TTLL11: variants seen among roughly 807,000 people sequenced by gnomAD.
The protein encoded by TTLL11 is tubulin tyrosine ligase like 11, also known as tubulin polyglutamylase TTLL11.
In TTLL11, 42 loss-of-function variants were observed where a neutral mutation model predicts 51.7. That is an observed-to-expected ratio of 0.81 (90% CI 0.64 to 1.05). TTLL11 has a LOEUF of 1.05. TTLL11 is among the 50% of genes least tolerant of loss of function. TTLL11 has a pLI of 0.00. For synonymous variants in TTLL11, 381 were observed against 383.5 expected, an observed-to-expected ratio of 0.99 and a Z score of 0.08; for missense variants, 799 against 940.4, an observed-to-expected ratio of 0.85 and a Z score of 1.97.
At chr9:122,008,945 C>G (rs1843726745) in intron 3 of TTLL11, among the ~76,000 whole-genome samples, 1 of 152,152 alleles carries the variant, frequency 6.6e-6, no homozygotes, top group Non-Finnish European at 1.5e-5. Flanking sequence ...CACAGAAAGA[C>G]AAATACTGCA....
chr9:121,944,206 C>A (rs1841586589), intron 6 of TTLL11, among the ~76,000 whole-genome samples: 1 of 152,166 alleles, frequency 6.6e-6, no homozygotes, highest in Admixed American at 6.5e-5. Context: ...ACTAGTATAG[C>A]AAGAAAATAT....
Position 121,870,610 on chromosome 9 carries a change from T to G in TTLL11, c.1620A>C (p.Ala540=), listed in dbSNP as rs932988469. The change falls in exon 7 of 9, where the codon GCA becomes GCC. Residue 540 remains alanine, a synonymous_variant. Coordinates refer to ENST00000321582, the MANE Select transcript of TTLL11 (RefSeq NM_001139442.2). ...CCAGGCGCAGGTAGTTGAACTGTTT[T>G]GCGTACTTGGGGAACACCTGCTTGA... ...ICLKQVFPKY[A]KQFNYLRLVD... 6 of 1,551,748 alleles carry G rather than the reference T, an allele frequency of 3.9e-6. No homozygotes were observed. Among genetic ancestry groups the G allele is most frequent in the Non-Finnish European group, 5.2e-6 (6 of 1,146,994 alleles).
chr9:121,836,798 C>G (rs1301941667), intron 8 of TTLL11, among the ~76,000 whole-genome samples: 1 of 152,164 alleles, frequency 6.6e-6, no homozygotes, highest in Non-Finnish European at 1.5e-5. Flanking sequence ...GGATAGGTTA[C>G]AGGGTGCCTG....
chr9:121,851,793 G>A (rs988738399), intron 8 of TTLL11, among the ~76,000 whole-genome samples: 3 of 151,986 alleles, frequency 2.0e-5, no homozygotes, highest in African/African-American at 7.3e-5. Context: ...ACAATTTACT[G>A]CCTGCTCCAG....
Position 121,820,838 on chromosome 9 carries a change from G to A in TTLL11, c.*1749C>T, listed in dbSNP as rs886388347. ...GAAAATAAAGTGATTGCAGAAGTCT[G>A]CTGTCACTCACTGAACACCCCAGAG... is the stretch of plus-strand genomic sequence containing the variant. On this transcript the variant is annotated 3_prime_UTR_variant, in exon 9 of 9. Coordinates refer to ENST00000321582, the MANE Select transcript of TTLL11 (RefSeq NM_001139442.2). 2.6e-5 allele frequency among the ~76,000 whole-genome samples: 4 copies of A among 151,674 alleles called. No individual in the cohort carries two copies. The highest frequency in any genetic ancestry group is 6.6e-5 in the Admixed American group (1 of 15,226).
At chr9:122,050,272 T>G (rs1196701230) in intron 1 of TTLL11, among the ~76,000 whole-genome samples, 1 of 152,200 alleles carries the variant, frequency 6.6e-6, no homozygotes, top group African/African-American at 2.4e-5. Flanking sequence ...GGAAATCACC[T>G]CAACAAGTAA....
In TTLL11 at chr9:121,887,894, C is replaced by T. The variant is rs113470933; in HGVS notation, c.1482-17146G>A. 6.0e-3 allele frequency among the ~76,000 whole-genome samples: 921 copies of T among 152,260 alleles called. 5 individuals are homozygous for T. The highest frequency in any genetic ancestry group is 0.021 in the African/African-American group (863 of 41,554). ...GTGCTGCTTGGAAGTCAGGCCTGAA[C>T]TGCCTGGGGGCCCCCAGGCAACCCC... On this transcript the variant is annotated intron_variant, in intron 6 of 8. Transcript: ENST00000321582.
intron 1 of TTLL11, among the ~76,000 whole-genome samples, chr9:122,069,950 T>A (rs1472303511): frequency 6.6e-6 from 1 of 151,538 alleles, no homozygotes; most frequent in East Asian, 1.9e-4. Flanking sequence ...TGGGTCACAA[T>A]CCCTTCCAGA....
At chr9:121,860,615 C>T (rs1321069916) in intron 7 of TTLL11, among the ~76,000 whole-genome samples, 172 bp from the exon 8 acceptor site, 2 of 152,162 alleles carry the variant, frequency 1.3e-5, no homozygotes, top group African/African-American at 2.4e-5. Context: ...GTGATTAGGT[C>T]GTGAGGGTGG....
At chr9:122,046,100 GC>G (rs1844992361) in intron 1 of TTLL11, among the ~76,000 whole-genome samples, 1 of 152,090 alleles carries the variant, frequency 6.6e-6, no homozygotes, top group African/African-American at 2.4e-5. Context: ...ATCTACTTAA[GC>G]CCCCTGATAG....
chr9:122,049,869 G>C (rs1284055026), intron 1 of TTLL11, among the ~76,000 whole-genome samples: 2 of 152,178 alleles, frequency 1.3e-5, no homozygotes, highest in Non-Finnish European at 2.9e-5. Flanking sequence ...TGAACAGAAA[G>C]CATTTCAACT....
intron 1 of TTLL11, among the ~76,000 whole-genome samples, chr9:122,072,336 C>A (rs1176876878): frequency 6.6e-6 from 1 of 152,142 alleles, no homozygotes; most frequent in East Asian, 1.9e-4. Context: ...ATCCTGTGAT[C>A]CAGCCGGAGT....
At chr9:122,001,207 T>C (rs892314843) in intron 3 of TTLL11, among the ~76,000 whole-genome samples, 1 of 152,168 alleles carries the variant, frequency 6.6e-6, no homozygotes, top group African/African-American at 2.4e-5. Context: ...GTGACTCTCC[T>C]GCCTCAGGCT....
chr9:121,960,562 G>C (rs927027641), intron 6 of TTLL11, among the ~76,000 whole-genome samples: 5 of 152,152 alleles, frequency 3.3e-5, no homozygotes, highest in East Asian at 1.9e-4. Context: ...TGGTGCTTCT[G>C]CTGCCTCCTG....
chr9:121,921,958 C>G (rs1840562167), intron 6 of TTLL11, among the ~76,000 whole-genome samples: 1 of 152,200 alleles, frequency 6.6e-6, no homozygotes, highest in Non-Finnish European at 1.5e-5. Context: ...GACACAGTCA[C>G]AGACTGAAAA....
intron 3 of TTLL11, among the ~76,000 whole-genome samples, chr9:122,003,335 T>C (rs1016227945): frequency 6.6e-6 from 1 of 151,978 alleles, no homozygotes; most frequent in African/African-American, 2.4e-5. Context: ...TAATGTGGAC[T>C]GATTATAATG....
chr9:121,829,814 C>CCA (rs1554757088), intron 8 of TTLL11, among the ~76,000 whole-genome samples: 11 of 141,836 alleles, frequency 7.8e-5, no homozygotes, highest in African/African-American at 1.1e-4. Flanking sequence ...CACACACACA[C>CCA]CACACACACA....
intron 1 of TTLL11, among the ~76,000 whole-genome samples, chr9:122,067,407 T>C (rs1232997391): frequency 6.6e-6 from 1 of 152,190 alleles, no homozygotes; most frequent in African/African-American, 2.4e-5. Context: ...TGTGGGAAGA[T>C]AAACTAAGAG....
chr9:121,959,542 A>T lies in TTLL11; in HGVS notation c.1481+14467T>A, dbSNP rs567236396. Among the ~76,000 whole-genome samples the T allele has an allele frequency of 7.1e-4, 108 of 152,080 alleles. 1 individual carries two copies. The highest frequency in any genetic ancestry group is 2.5e-3 in the African/African-American group (103 of 41,474). ...TTCTTCCTTCACAGTCACATCTCAG[A>T]TCCAATCCATCACCAAGCCCTGTCC... On this transcript the variant is annotated intron_variant, in intron 6 of 8. Transcript: ENST00000321582.
Sources: gnomAD v4.1 joint callset for allele counts (sites outside exome capture counted in the v4.1 genomes callset) on GRCh38, gnomAD v4.1.1 for gene constraint, MANE v1.5 for transcripts, NCBI Gene and HGNC (gene_info 2026-07-23, HGNC 2026-07-21) for gene names.